The following SYNE1 variants were observed in gnomAD, a reference collection of about 807,000 sequenced individuals.
SYNE1 encodes the protein spectrin repeat containing nuclear envelope protein 1, also known as nesprin-1.
A neutral mutation model predicts 1,111.0 loss-of-function variants in SYNE1; 616 were observed. That is an observed-to-expected ratio of 0.55 (90% CI 0.52 to 0.59). The LOEUF (loss-of-function observed/expected upper bound fraction) is 0.59. SYNE1 is among the 20% of genes least tolerant of loss of function. The pLI is 0.00. For synonymous variants in SYNE1, 3,855 were observed against 3,825.8 expected (o/e 1.01, Z -0.28); for missense variants, 10,006 against 10,417.0 (o/e 0.96, Z 1.72).
At chr6:152,421,526 A>G (rs867420856) in intron 39 of SYNE1, among the ~76,000 whole-genome samples, 1 of 152,092 alleles carries the variant, frequency 6.6e-6, no homozygotes, top group African/African-American at 2.4e-5. Flanking sequence ...AAAAAAAACT[A>G]CAGTATGTAT....
At chr6:152,539,879 G>C in intron 4 of SYNE1, 81 bp downstream of exon 4, 1 of 1,428,212 alleles carries the variant, frequency 7.0e-7, no homozygotes, top group Non-Finnish European at 9.9e-7. Context: ...AACAGGGACA[G>C]AAGCATTTTG....
intron 3 of SYNE1, among the ~76,000 whole-genome samples, chr6:152,578,907 C>T (rs993186459): frequency 1.3e-5 from 2 of 152,124 alleles, no homozygotes; most frequent in Admixed American, 1.3e-4. Context: ...AAAAATCCAT[C>T]AAGTCTTTGG....
chr6:152,369,958 G>A (rs1416770280), intron 59 of SYNE1, among the ~76,000 whole-genome samples: 7 of 137,062 alleles, frequency 5.1e-5, no homozygotes, highest in East Asian at 2.3e-4. Flanking sequence ...ACTCCAGCCT[G>A]GGTGACAGAG....
At chr6:152,272,934 T>C (rs1170793125) in intron 98 of SYNE1, among the ~76,000 whole-genome samples, 1 of 152,218 alleles carries the variant, frequency 6.6e-6, no homozygotes, top group Non-Finnish European at 1.5e-5. Context: ...ATCCTTTTCA[T>C]GGCAATAATA....
chr6:152,330,911 T>C lies in SYNE1; in HGVS notation c.13774A>G (p.Met4592Val). ...GTATGAAGCTCAGAACTCTCATTCA[T>C]TAGGTTGATTTCAGGAAATGTAACA... The part of the protein sequence containing the change: ...DIVTFPEINL[M>V]NESSELHTQL... Residue 4592 changes from methionine to valine, a missense_variant, in exon 78 of 146, where the codon ATG becomes GTG. Coordinates refer to ENST00000367255, the MANE Select transcript of SYNE1 (RefSeq NM_182961.4). 6.2e-7 allele frequency: 1 copy of C among 1,614,100 alleles called. No homozygotes were observed. The highest frequency in any genetic ancestry group is 1.1e-5 in the South Asian group (1 of 91,066).
At chr6:152,232,062 T>C in intron 113 of SYNE1, 54 bp downstream of exon 113, 1 of 1,363,464 alleles carries the variant, frequency 7.3e-7, no homozygotes, top group Non-Finnish European at 1.0e-6. Flanking sequence ...TTTAGTTCTT[T>C]CAAATAAAAT....
chr6:152,406,992 T>A (rs1170038216), intron 45 of SYNE1, 22 bp downstream of exon 45: 1 of 1,606,944 alleles, frequency 6.2e-7, no homozygotes, highest in African/African-American at 1.3e-5. Context: ...CCAGCTGCCA[T>A]ATGTCAACAC....
chr6:152,218,328 T>G lies in SYNE1; in HGVS notation c.22120A>C (p.Ile7374Leu), dbSNP rs886043071. Residue 7374 changes from isoleucine (I) to leucine (L), a missense_variant, in exon 121 of 146, where the codon ATA becomes CTA. This residue lies in a region of SYNE1 where 2,182 missense variants were observed against 2,287.8 expected (regional missense o/e 0.95). Transcript: ENST00000367255. Reference protein sequence around the residue: ...LEAWIVEAEEILQGQDPSHSS... With the variant: ...LEAWIVEAEELLQGQDPSHSS... ...TGGCTAGGGTCCTGCCCTTGTAGTA[T>G]TTCTTCAGCTTCCACTATCCAGGCC... The G allele has an allele frequency of 1.9e-6, 3 of 1,614,128 alleles. No homozygotes were observed. The highest frequency in any genetic ancestry group is 2.5e-6 in the Non-Finnish European group (3 of 1,180,002).
At chr6:152,480,815 T>C (rs1433117157) in intron 14 of SYNE1, 1 of 456,164 alleles carries the variant, frequency 2.2e-6, no homozygotes, top group Non-Finnish European at 4.4e-6. Flanking sequence ...TTTTGTTTGT[T>C]TGTTTGCCTC....
chr6:152,621,992 C>T (rs990673895), intron 3 of SYNE1, among the ~76,000 whole-genome samples: 1 of 152,054 alleles, frequency 6.6e-6, no homozygotes, highest in African/African-American at 2.4e-5. Flanking sequence ...TGGTTAATTG[C>T]CTTGATCAAT....
At chr6:152,192,498 G>A (rs1216730429) in intron 127 of SYNE1, among the ~76,000 whole-genome samples, 1 of 152,084 alleles carries the variant, frequency 6.6e-6, no homozygotes, top group African/African-American at 2.4e-5. Context: ...TTGAGACAGA[G>A]TCTCAGTCTG....
chr6:152,591,051 T>A (rs1322519), intron 3 of SYNE1, among the ~76,000 whole-genome samples: 2 of 152,204 alleles, frequency 1.3e-5, no homozygotes, highest in African/African-American at 4.8e-5. Context: ...TTATGTTGTC[T>A]CTGATTTCTT....
intron 126 of SYNE1, among the ~76,000 whole-genome samples, chr6:152,204,025 C>G (rs1415678580): frequency 6.6e-6 from 1 of 151,836 alleles, no homozygotes; most frequent in Non-Finnish European, 1.5e-5. Flanking sequence ...ATCAAACATC[C>G]TGAATTGATC....
intron 95 of SYNE1, among the ~76,000 whole-genome samples, chr6:152,285,814 G>T (rs1054182578): frequency 2.6e-5 from 4 of 151,978 alleles, no homozygotes; most frequent in African/African-American, 9.7e-5. Context: ...AATTATACTT[G>T]ATTTTATTTC....
At chr6:152,534,299 GA>G (rs2099222934) in intron 4 of SYNE1, among the ~76,000 whole-genome samples, 1 of 151,990 alleles carries the variant, frequency 6.6e-6, no homozygotes, top group African/African-American at 2.4e-5. Flanking sequence ...AACTTTGTGA[GA>G]TCTAGATCTT....
At chr6:152,426,950 A>C (rs1051047222) in intron 38 of SYNE1, among the ~76,000 whole-genome samples, 1 of 152,238 alleles carries the variant, frequency 6.6e-6, no homozygotes, top group Admixed American at 6.5e-5. Context: ...TAAACGTCTT[A>C]TAAAAGTTGA....
At chr6:152,511,611 G>A (rs777490669) in intron 6 of SYNE1, 1 of 1,610,896 alleles carries the variant, frequency 6.2e-7, no homozygotes, top group South Asian at 1.1e-5. Flanking sequence ...AAAACAAAGG[G>A]AGAAGATAAT....
intron 135 of SYNE1, among the ~76,000 whole-genome samples, chr6:152,150,643 A>C (rs1334574254): frequency 1.3e-5 from 2 of 152,232 alleles, no homozygotes; most frequent in Non-Finnish European, 2.9e-5. Context: ...AAATTTCATA[A>C]GCTTCCTTGG....
chr6:152,367,584 A>C, intron 61 of SYNE1: 1 of 619,648 alleles, frequency 1.6e-6, no homozygotes, highest in Non-Finnish European at 2.8e-6. Context: ...AAAAGCAAAA[A>C]AAAAAGTTAC....
Sources: gnomAD v4.1 joint callset for allele counts (sites outside exome capture counted in the v4.1 genomes callset) on GRCh38, gnomAD v4.1.1 for gene constraint, gnomAD v4.1.1 regional missense constraint, MANE v1.5 for transcripts, NCBI Gene and HGNC (gene_info 2026-07-23, HGNC 2026-07-21) for gene names.